The following ITGAX variants were observed in gnomAD, a reference collection of about 807,000 sequenced individuals.
ITGAX encodes integrin subunit alpha X.
In ITGAX, 99 loss-of-function variants were observed where a neutral mutation model predicts 140.2. That is an observed-to-expected ratio of 0.71 (90% CI 0.60 to 0.83). ITGAX has a LOEUF of 0.83. Among genes scored for constraint, ITGAX ranks in the 40% least tolerant of loss-of-function variants. The pLI, the probability that ITGAX is intolerant of heterozygous loss-of-function variation, is 0.00. For synonymous variants in ITGAX, 631 were observed against 600.4 expected (o/e 1.05, Z -0.75); for missense variants, 1,444 against 1,482.0 (o/e 0.97, Z 0.42).
chr16:31,370,609 C>T (rs146169566), intron 14 of ITGAX, among the ~76,000 whole-genome samples: 2 of 152,300 alleles, frequency 1.3e-5, no homozygotes, highest in East Asian at 3.9e-4. Context: ...TGAGGTTGGA[C>T]AAACTCTGAG....
At chr16:31,366,423 T>C (rs1382923836) in intron 14 of ITGAX, among the ~76,000 whole-genome samples, 1 of 152,160 alleles carries the variant, frequency 6.6e-6, no homozygotes, top group Admixed American at 6.5e-5. Flanking sequence ...GCCTCCCTAT[T>C]CCCTGCAATG....
At chr16:31,378,652 T>A (rs2081040916) in intron 23 of ITGAX, among the ~76,000 whole-genome samples, 1 of 151,928 alleles carries the variant, frequency 6.6e-6, no homozygotes, top group African/African-American at 2.4e-5. Context: ...AAAATTGTTT[T>A]GGAGAGATGG....
Position 31,382,630 on chromosome 16 carries a change from T to A in ITGAX, c.*723T>A. On this transcript the variant is annotated 3_prime_UTR_variant, in exon 30 of 30. Transcript: ENST00000268296. ...TGTCATGTCAGCATCAGCTCAGGGC[T>A]TCATCGTGGGGCTCTCAGTTCCGAT... 1.2e-5 allele frequency: 8 copies of A among 657,838 alleles called. No homozygotes were observed. The South Asian group carries it at 1.3e-4, about 10-fold the overall frequency. The allele number at this position is 657,838 out of a possible 1,614,324, so 40.8% of individuals were successfully genotyped here. A position where few individuals can be genotyped will look rare whatever the true frequency, so the allele number is the denominator to read the frequency against.
At chr16:31,380,241 C>T (rs1425726722) in intron 26 of ITGAX, 25 bp from the exon 27 acceptor site, 5 of 1,607,646 alleles carry the variant, frequency 3.1e-6, no homozygotes, top group Non-Finnish European at 4.3e-6. Context: ...TCTTTCTCAG[C>T]CCCATGCTAT....
chr16:31,373,133 A>T (rs1360966224), intron 19 of ITGAX, 116 bp from the exon 20 acceptor site: 2 of 668,298 alleles, frequency 3.0e-6, no homozygotes, highest in Non-Finnish European at 4.7e-6. Context: ...AAGAAGAAGA[A>T]CCCAGGGGTC....
intron 20 of ITGAX, among the ~76,000 whole-genome samples, chr16:31,375,439 C>T (rs2081011302): frequency 6.6e-6 from 1 of 152,198 alleles, no homozygotes; most frequent in African/African-American, 2.4e-5. Context: ...CTTGGACTTC[C>T]CAGCCTCCAG....
chr16:31,373,288 C>G lies in ITGAX; in HGVS notation c.2406C>G (p.Asn802Lys). 6.2e-7 allele frequency: 1 copy of G among 1,613,616 alleles called. No individual in the cohort carries two copies. Among genetic ancestry groups the G allele is most frequent in the Non-Finnish European group, 8.5e-7 (1 of 1,179,868 alleles). The change falls in exon 20 of 30, where the codon AAC becomes AAG. Residue 802 changes from asparagine to lysine, a missense_variant. Asn to Lys is a moderately conservative substitution (Grantham distance 94). Transcript: ENST00000268296. ...SLLVGSNLEL[N>K]AEVMVWNDGE... ...TGGTGGGGAGTAACCTGGAGCTGAACGCAGAAGTGATGGTGTGGAATGACG... is the reference window on the plus strand; with the variant it reads ...TGGTGGGGAGTAACCTGGAGCTGAAGGCAGAAGTGATGGTGTGGAATGACG...
Position 31,382,048 on chromosome 16 carries a change from G to T in ITGAX, c.*141G>T, listed in dbSNP as rs1597086761. ...CTGCTTCCTGTCTTTGGGAGAAAAC[G>T]TCTTGCTTGGGAAGGGGCCTTTGTC... On this transcript the variant is annotated 3_prime_UTR_variant, in exon 30 of 30. Transcript: ENST00000268296. 1 of 1,442,536 alleles carries T rather than the reference G, an allele frequency of 6.9e-7. No homozygotes were observed. The highest frequency in any genetic ancestry group is 1.4e-5 in the African/African-American group (1 of 69,436). The allele number at this position is 1,442,536 out of a possible 1,614,324, so 89.4% of individuals were successfully genotyped here. A position where few individuals can be genotyped will look rare whatever the true frequency, so the allele number is the denominator to read the frequency against.
Position 31,377,047 on chromosome 16 carries a change from A to C in ITGAX, c.2673A>C (p.Gly891=). The change falls in exon 22 of 30, where the codon GGA becomes GGC. Residue 891 remains glycine (G), a synonymous_variant. Coordinates refer to ENST00000268296, the MANE Select transcript of ITGAX (RefSeq NM_000887.5). ...ACGTCTCCCCCAAGGCTGTCCTGGG[A>C]GACCGGCTGCTTCTGACAGCCAATG... The part of the protein sequence containing the change: ...TFDVSPKAVL[G]DRLLLTANVS... The C allele has an allele frequency of 6.2e-7, 1 of 1,614,186 alleles. No homozygotes were observed. The highest frequency in any genetic ancestry group is 2.2e-5 in the East Asian group (1 of 44,872).
chr16:31,366,376 A>T (rs937649031), intron 14 of ITGAX, among the ~76,000 whole-genome samples: 1 of 152,094 alleles, frequency 6.6e-6, no homozygotes, highest in Non-Finnish European at 1.5e-5. Flanking sequence ...CTGCTCCACC[A>T]CTGATAGCTC....
rs755759782 is a variant in ITGAX at position 31,377,232 on chromosome 16, C to T, written c.2756C>T (p.Pro919Leu). 4.3e-6 allele frequency: 7 copies of T among 1,613,336 alleles called. No individual in the cohort carries two copies. Among genetic ancestry groups the T allele is most frequent in the East Asian group, 2.2e-5 (1 of 44,814 alleles). ...TSKTTFQLEL[P>L]VKYAVYTVVS... The stretch of plus-strand genomic sequence containing the variant: ...AAGACCACCTTCCAGCTGGAGCTCC[C>T]GGTGAAGTATGCTGTCTACACTGTG... Residue 919 changes from proline (P) to leucine (L), a missense_variant, in exon 23 of 30, where the codon CCG becomes CTG. Transcript: ENST00000268296.
At chr16:31,371,920 C>T (rs1184092589) in intron 17 of ITGAX, 136 bp downstream of exon 17, 1 of 1,020,054 alleles carries the variant, frequency 9.8e-7, no homozygotes, top group Non-Finnish European at 1.4e-6. Flanking sequence ...GTGCTTACTG[C>T]ACGTTAGCCA....
intron 21 of ITGAX, 41 bp from the exon 22 acceptor site, chr16:31,376,959 T>C (rs1567307073): frequency 6.2e-7 from 1 of 1,613,494 alleles, no homozygotes; most frequent in Non-Finnish European, 8.5e-7. Flanking sequence ...TGCCCCACCC[T>C]GTCTTTACTG....
Position 31,357,240 on chromosome 16 carries a change from G to A in ITGAX, c.319-13G>A, listed in dbSNP as rs745832842. The stretch of plus-strand genomic sequence containing the variant: ...AGCAGGGGCAGCCCCCCAGCAGCCC[G>A]CTGTGTCCCCAGGCCTGCGGCCCCA... On this transcript the variant is annotated splice_polypyrimidine_tract_variant and intron_variant, in intron 4 of 29. Coordinates refer to ENST00000268296, the MANE Select transcript of ITGAX (RefSeq NM_000887.5). 13 of 1,586,036 alleles carry A rather than the reference G, an allele frequency of 8.2e-6. No homozygotes were observed. Among genetic ancestry groups the A allele is most frequent in the Admixed American group, 3.5e-5 (2 of 57,306 alleles).
intron 20 of ITGAX, 33 bp from the exon 21 acceptor site, chr16:31,376,766 A>G (rs1205375927): frequency 6.2e-7 from 1 of 1,601,918 alleles, no homozygotes. Flanking sequence ...TTTCAATTTC[A>G]ACTAATACTC....
Position 31,382,231 on chromosome 16 carries a change from T to TCA in ITGAX, c.*324_*325insCA. The TCA allele has an allele frequency of 8.8e-7, 1 of 1,140,034 alleles. No homozygotes were observed. The highest frequency in any genetic ancestry group is 1.1e-6 in the Non-Finnish European group (1 of 893,316). The allele number at this position is 1,140,034 out of a possible 1,614,324, so 70.6% of individuals were successfully genotyped here. On this transcript the variant is annotated 3_prime_UTR_variant, in exon 30 of 30. Transcript: ENST00000268296. Reference sequence around the variant, plus strand: ...ACGAATGATCTTTCTTTCCTTTCTTTTTTTTTTTTTTTCTTTTCTTTTTTT... The same window carrying TCA: ...ACGAATGATCTTTCTTTCCTTTCTTTCATTTTTTTTTTTTCTTTTCTTTTTTT...
chr16:31,381,944 T>G lies in ITGAX; in HGVS notation c.*37T>G, dbSNP rs1436854919. ...CCTTGGACTTCTTCTCCCCCGCGAG[T>G]TTTCCCCACTTACTTACCCTCACCT... On this transcript the variant is annotated 3_prime_UTR_variant, in exon 30 of 30. Transcript: ENST00000268296. The G allele has an allele frequency of 8.4e-7, 1 of 1,197,236 alleles. No individual in the cohort carries two copies. The highest frequency in any genetic ancestry group is 1.2e-6 in the Non-Finnish European group (1 of 803,208). 74.2% of individuals were successfully genotyped at this position (1,197,236 alleles called of 1,614,324 possible). A position where few individuals can be genotyped will look rare whatever the true frequency, so the allele number is the denominator to read the frequency against.
At chr16:31,368,704 A>G (rs921684091) in intron 14 of ITGAX, among the ~76,000 whole-genome samples, 15 of 152,008 alleles carry the variant, frequency 9.9e-5, no homozygotes, top group Admixed American at 2.0e-4. Flanking sequence ...AGGTCAGCAG[A>G]TAAACAAGTG....
Position 31,362,666 on chromosome 16 carries a change from C to G in ITGAX, c.1272C>G (p.Ala424=). 6.2e-7 allele frequency: 1 copy of G among 1,613,656 alleles called. No homozygotes were observed. Among genetic ancestry groups the G allele is most frequent in the Non-Finnish European group, 8.5e-7 (1 of 1,179,816 alleles). Residue 424 remains alanine, a synonymous_variant, in exon 12 of 30, where the codon GCC becomes GCG. Coordinates refer to ENST00000268296, the MANE Select transcript of ITGAX (RefSeq NM_000887.5). ...GGGTGCAGAGCCTGGTCCTGGGGGC[C>G]CCCCGCTACCAGCACACCGGGAAGG... The part of the protein sequence containing the change: ...WKGVQSLVLG[A]PRYQHTGKAV...
Sources: allele counts gnomAD v4.1 joint callset (sites outside exome capture counted in the v4.1 genomes callset), GRCh38; gene constraint gnomAD v4.1.1; transcripts MANE v1.5; gene names NCBI Gene and HGNC (gene_info 2026-07-23, HGNC 2026-07-21).